RALGPS1: variants seen among roughly 807,000 people sequenced by gnomAD.
The protein encoded by RALGPS1 is ras-specific guanine nucleotide-releasing factor RalGPS1.
A neutral mutation model predicts 78.8 loss-of-function variants in RALGPS1; 19 were observed. The ratio of observed to expected loss-of-function variants is 0.24; its 90% CI spans 0.17 to 0.35. The LOEUF is 0.35. RALGPS1 is among the 10% of genes least tolerant of loss of function. RALGPS1 has a pLI of 1.00. For missense variants in RALGPS1, 454 were observed against 688.3 expected (o/e 0.66, Z 3.81); for synonymous variants, 228 against 256.3 (o/e 0.89, Z 1.06).
At chr9:126,995,477 C>T (rs950332000) in intron 4 of RALGPS1, among the ~76,000 whole-genome samples, 3 of 152,178 alleles carry the variant, frequency 2.0e-5, no homozygotes, top group African/African-American at 7.2e-5. Context: ...ACAAGAAGAG[C>T]TAACTATCCT....
intron 4 of RALGPS1, among the ~76,000 whole-genome samples, chr9:127,021,497 C>CAAA (rs397690141): frequency 2.6e-5 from 3 of 113,568 alleles, no homozygotes; most frequent in Non-Finnish European, 1.7e-5. Context: ...GACTCTGTCT[C>CAAA]AAAAAAAAAA....
intron 8 of RALGPS1, among the ~76,000 whole-genome samples, chr9:127,094,217 T>A (rs960101843): frequency 2.0e-5 from 3 of 152,170 alleles, no homozygotes; most frequent in African/African-American, 7.2e-5. Flanking sequence ...TTTCTTCTGA[T>A]TGTAGAAGGA....
intron 8 of RALGPS1, among the ~76,000 whole-genome samples, chr9:127,139,934 G>A (rs999920364): frequency 6.6e-6 from 1 of 152,144 alleles, no homozygotes; most frequent in African/African-American, 2.4e-5. Flanking sequence ...CCCTATTCCC[G>A]TGCCACCCGC....
At chr9:127,046,049 T>C (rs1189776788) in intron 5 of RALGPS1, among the ~76,000 whole-genome samples, 1 of 152,186 alleles carries the variant, frequency 6.6e-6, no homozygotes, top group Admixed American at 6.5e-5. Flanking sequence ...ACAGGGGTTG[T>C]GTCAAAGGGA....
At position 126,996,175 on chromosome 9, in the gene RALGPS1, T is replaced by C. The variant is rs1444583749; in HGVS notation, c.216+18430T>C. On this transcript the variant is annotated intron_variant, in intron 4 of 18. Coordinates refer to ENST00000259351, the MANE Select transcript of RALGPS1 (RefSeq NM_014636.3). ...AAGCTAGCAGAAGGCAAGAAATAAC[T>C]AAAATCAGAGCAGAACTGAAGGAAA... 1.1e-4 allele frequency among the ~76,000 whole-genome samples: 16 copies of C among 152,010 alleles called. No individual in the cohort carries two copies. The East Asian group carries it at 2.9e-3, about 28-fold the overall frequency.
chr9:126,952,145 T>A (rs2037885244), intron 1 of RALGPS1, among the ~76,000 whole-genome samples: 1 of 152,218 alleles, frequency 6.6e-6, no homozygotes. Context: ...CCAAGTTCTA[T>A]CGCTTGTTCC....
At chr9:126,982,112 G>T (rs1163109558) in intron 4 of RALGPS1, among the ~76,000 whole-genome samples, 1 of 152,212 alleles carries the variant, frequency 6.6e-6, no homozygotes, top group East Asian at 1.9e-4. Context: ...ACAGAAGCCA[G>T]CAAGGACTTT....
intron 4 of RALGPS1, among the ~76,000 whole-genome samples, chr9:127,026,392 GAC>G (rs1486813771): frequency 6.6e-6 from 1 of 152,178 alleles, no homozygotes. Flanking sequence ...CACCCTCACA[GAC>G]ACACGCAGGA....
intron 4 of RALGPS1, among the ~76,000 whole-genome samples, chr9:127,000,843 C>T (rs944076721): frequency 6.6e-6 from 1 of 151,332 alleles, no homozygotes; most frequent in Non-Finnish European, 1.5e-5. Flanking sequence ...TGTGAGCCAC[C>T]GCGCCCGGCC....
chr9:127,183,526 G>T lies in RALGPS1; in HGVS notation c.910+8744G>T, dbSNP rs1021596720. 6.6e-6 allele frequency among the ~76,000 whole-genome samples: 1 copy of T among 152,152 alleles called. No homozygotes were observed. Among genetic ancestry groups the T allele is most frequent in the African/African-American group, 2.4e-5 (1 of 41,442 alleles). On this transcript the variant is annotated intron_variant, in intron 11 of 18. Coordinates refer to ENST00000259351, the MANE Select transcript of RALGPS1 (RefSeq NM_014636.3). This position sits in a 1 kb window ranked among gnomAD's most constrained non-coding sequence, Gnocchi z 4.0. ...ACAGACCTGTGAGCACAACAGACCT[G>T]CCTGTGGCCACCGCTGTCTTCTGGC...
chr9:127,171,933 G>A (rs1290919412), intron 10 of RALGPS1, among the ~76,000 whole-genome samples: 2 of 152,086 alleles, frequency 1.3e-5, no homozygotes, highest in Non-Finnish European at 2.9e-5. Flanking sequence ...CCAACTTTTT[G>A]TTAGTTGTGT....
chr9:127,031,924 CCTGCATGATAT>C (rs747697334), intron 4 of RALGPS1, among the ~76,000 whole-genome samples: 1 of 152,066 alleles, frequency 6.6e-6, no homozygotes, highest in Middle Eastern at 3.2e-3. Flanking sequence ...CTGGTTCTTG[CCTGCATGATAT>C]CAGCAAAATG....
intron 4 of RALGPS1, among the ~76,000 whole-genome samples, chr9:127,004,295 G>A (rs1424069600): frequency 1.3e-5 from 2 of 152,040 alleles, no homozygotes; most frequent in Non-Finnish European, 2.9e-5. Flanking sequence ...ACAGGCACCC[G>A]CCACCACACC....
intron 1 of RALGPS1, among the ~76,000 whole-genome samples, chr9:126,936,101 G>T (rs2036234073): frequency 6.6e-6 from 1 of 152,196 alleles, no homozygotes; most frequent in Non-Finnish European, 1.5e-5. Context: ...TTTCACCTGG[G>T]CCCACCTGGA....
intron 10 of RALGPS1, 26 bp downstream of exon 10, chr9:127,168,798 A>T: frequency 6.4e-7 from 1 of 1,564,050 alleles, no homozygotes; most frequent in East Asian, 2.2e-5. Flanking sequence ...TTCCTGTGTC[A>T]GGCCTCCCAG....
intron 1 of RALGPS1, among the ~76,000 whole-genome samples, chr9:126,958,900 G>A (rs996948076): frequency 6.6e-6 from 1 of 152,162 alleles, no homozygotes; most frequent in South Asian, 2.1e-4. Flanking sequence ...TGAGGGTTCT[G>A]TCTCTGCACA....
intron 11 of RALGPS1, among the ~76,000 whole-genome samples, chr9:127,175,560 G>A (rs980721961): frequency 6.6e-6 from 1 of 151,998 alleles, no homozygotes; most frequent in African/African-American, 2.4e-5. Flanking sequence ...TCGGGGGCGT[G>A]GGGGGTCAAG....
At chr9:127,082,881 G>GC (rs2051314226) in intron 8 of RALGPS1, among the ~76,000 whole-genome samples, 1 of 152,132 alleles carries the variant, frequency 6.6e-6, no homozygotes, top group African/African-American at 2.4e-5. Context: ...GAACCCTGTT[G>GC]CCCCCTGTAT....
intron 8 of RALGPS1, among the ~76,000 whole-genome samples, chr9:127,089,890 G>T (rs2052254913): frequency 1.3e-5 from 2 of 152,202 alleles, no homozygotes; most frequent in Admixed American, 6.5e-5. Flanking sequence ...GTGAAGGGGG[G>T]TCCCCACTTT....
Sources: gnomAD v4.1 joint callset for allele counts (sites outside exome capture counted in the v4.1 genomes callset) on GRCh38, gnomAD v4.1.1 for gene constraint, Gnocchi (gnomAD v3.1) non-coding constraint, MANE v1.5 for transcripts, NCBI Gene and HGNC (gene_info 2026-07-23, HGNC 2026-07-21) for gene names.